KIF6: variants seen among roughly 807,000 people sequenced by gnomAD.
KIF6 encodes the protein kinesin-like protein KIF6.
A neutral mutation model predicts 112.7 loss-of-function variants in KIF6; 106 were observed. The ratio of observed to expected loss-of-function variants is 0.94; its 90% CI spans 0.80 to 1.11. The LOEUF is 1.11. Among genes scored for constraint, KIF6 ranks in the 50% least tolerant of loss-of-function variants. The probability of loss-of-function intolerance (pLI) is 0.00; values close to 1 mark genes in which losing one functional copy is unlikely to be tolerated. For synonymous variants in KIF6, 339 were observed against 339.9 expected, an observed-to-expected ratio of 1.00 and a Z score of 0.03; for missense variants, 929 against 964.0, an observed-to-expected ratio of 0.96 and a Z score of 0.48.
At chr6:39,465,259 T>C (rs1348449131) in intron 13 of KIF6, among the ~76,000 whole-genome samples, 1 of 152,212 alleles carries the variant, frequency 6.6e-6, no homozygotes, top group African/African-American at 2.4e-5. Flanking sequence ...GATGTCTTCA[T>C]AGAGCATGGC....
At chr6:39,571,597 G>C (rs1457513430) in intron 10 of KIF6, among the ~76,000 whole-genome samples, 4 of 152,128 alleles carry the variant, frequency 2.6e-5, no homozygotes, top group Non-Finnish European at 5.9e-5. Flanking sequence ...CACAAGGAGA[G>C]AGCAAAATAA....
chr6:39,465,499 T>G (rs1773731132), intron 13 of KIF6, among the ~76,000 whole-genome samples: 2 of 152,258 alleles, frequency 1.3e-5, no homozygotes, highest in Middle Eastern at 3.4e-3. Context: ...CTTCTTTATC[T>G]CCAACACCAC....
chr6:39,589,029 G>A (rs910353714), intron 7 of KIF6, among the ~76,000 whole-genome samples: 6 of 152,154 alleles, frequency 3.9e-5, no homozygotes, highest in African/African-American at 1.4e-4. Flanking sequence ...CCCAGCTCCT[G>A]TGTGGTCCAT....
intron 3 of KIF6, among the ~76,000 whole-genome samples, chr6:39,651,696 G>A (rs909631686): frequency 6.6e-6 from 1 of 152,048 alleles, no homozygotes; most frequent in Non-Finnish European, 1.5e-5. Context: ...GCACATTTTT[G>A]GGAAAATTCA....
At chr6:39,714,581 T>C in intron 3 of KIF6, 111 bp downstream of exon 3, 1 of 693,912 alleles carries the variant, frequency 1.4e-6, no homozygotes. Flanking sequence ...TTACATGTCC[T>C]GCAGCCTAAG....
chr6:39,435,627 A>C (rs1279052310), intron 13 of KIF6, among the ~76,000 whole-genome samples: 1 of 151,112 alleles, frequency 6.6e-6, no homozygotes, highest in African/African-American at 2.4e-5. Flanking sequence ...AATATGTGGT[A>C]TTTTGTTTTC....
chr6:39,464,821 A>AG (rs1224797053), intron 13 of KIF6, among the ~76,000 whole-genome samples: 1 of 152,212 alleles, frequency 6.6e-6, no homozygotes, highest in Non-Finnish European at 1.5e-5. Flanking sequence ...ATGGAAAAAA[A>AG]GCCTTCCGAG....
At chr6:39,360,337 C>T (rs1401406479) in intron 18 of KIF6, 58 bp downstream of exon 18, 1 of 1,598,894 alleles carries the variant, frequency 6.3e-7, no homozygotes, top group East Asian at 2.2e-5. Context: ...CTTGACAGCC[C>T]CAGTGGGGCT....
At chr6:39,375,728 T>C (rs1026942110) in intron 16 of KIF6, among the ~76,000 whole-genome samples, 7 of 152,180 alleles carry the variant, frequency 4.6e-5, no homozygotes, top group Non-Finnish European at 7.3e-5. Flanking sequence ...TGGCAGATCA[T>C]AGGATTTCTC....
intron 2 of KIF6, among the ~76,000 whole-genome samples, chr6:39,718,243 A>AAG (rs1159945340): frequency 6.6e-6 from 1 of 151,358 alleles, no homozygotes; most frequent in African/African-American, 2.4e-5. Flanking sequence ...AAAAAAAAAA[A>AAG]AAAAAAAAAA....
At chr6:39,388,311 T>C (rs564102246) in intron 15 of KIF6, among the ~76,000 whole-genome samples, 1 of 151,386 alleles carries the variant, frequency 6.6e-6, no homozygotes, top group Non-Finnish European at 1.5e-5. Context: ...ATGACCAGGT[T>C]TAAGGATTCT....
At chr6:39,570,407 A>G (rs1182396342) in intron 10 of KIF6, among the ~76,000 whole-genome samples, 1 of 152,202 alleles carries the variant, frequency 6.6e-6, no homozygotes, top group Non-Finnish European at 1.5e-5. Context: ...ATATCCAGTG[A>G]CTGGAATATT....
At chr6:39,503,645 T>C (rs1776264360) in intron 13 of KIF6, among the ~76,000 whole-genome samples, 1 of 151,746 alleles carries the variant, frequency 6.6e-6, no homozygotes, top group Non-Finnish European at 1.5e-5. Flanking sequence ...AAGGGGGATA[T>C]CACCACTGAC....
chr6:39,722,480 A>G (rs9394623), intron 1 of KIF6, among the ~76,000 whole-genome samples: 43,290 of 152,168 alleles, frequency 0.28, 6,760 homozygotes, highest in Admixed American at 0.39. Context: ...TTTGAAATGT[A>G]TAAAGCACTG....
At chr6:39,568,830 C>T (rs1471717947) in intron 10 of KIF6, among the ~76,000 whole-genome samples, 2 of 152,132 alleles carry the variant, frequency 1.3e-5, no homozygotes, top group Non-Finnish European at 2.9e-5. Flanking sequence ...GGATTATAGG[C>T]ATGAGCCACT....
chr6:39,360,365 C>A, intron 18 of KIF6, 30 bp downstream of exon 18: 1 of 1,612,814 alleles, frequency 6.2e-7, no homozygotes, highest in South Asian at 1.1e-5. Flanking sequence ...TGGCCCCTCC[C>A]CAGCTTCCCT....
At chr6:39,530,555 C>T (rs1777993269) in intron 13 of KIF6, among the ~76,000 whole-genome samples, 2 of 152,186 alleles carry the variant, frequency 1.3e-5, no homozygotes, top group East Asian at 3.8e-4. Context: ...CCCCAAAGCC[C>T]CTAACCTTCC....
intron 16 of KIF6, among the ~76,000 whole-genome samples, chr6:39,370,446 C>T (rs1226368295): frequency 6.6e-6 from 1 of 152,178 alleles, no homozygotes. Flanking sequence ...CAAGCTGTCT[C>T]CCTCTTCTTT....
chr6:39,448,240 T>A (rs1772453266), intron 13 of KIF6, among the ~76,000 whole-genome samples: 1 of 152,134 alleles, frequency 6.6e-6, no homozygotes, highest in African/African-American at 2.4e-5. Flanking sequence ...AGTGGTGCGA[T>A]CTTGGCTCAC....
Sources: gnomAD v4.1 joint callset for allele counts (sites outside exome capture counted in the v4.1 genomes callset) on GRCh38, gnomAD v4.1.1 for gene constraint, MANE v1.5 for transcripts, NCBI Gene and HGNC (gene_info 2026-07-23, HGNC 2026-07-21) for gene names.